Variants in TNFRSF11A observed in about 807,000 individuals in gnomAD.
The protein encoded by TNFRSF11A is TNF receptor superfamily member 11a, also known as tumor necrosis factor receptor superfamily member 11A.
A neutral mutation model predicts 55.7 loss-of-function variants in TNFRSF11A; 32 were observed. That is an observed-to-expected ratio of 0.57 (90% confidence interval 0.43 to 0.77). The LOEUF (loss-of-function observed/expected upper bound fraction) is 0.77, where lower values mean the gene tolerates loss of function less well. TNFRSF11A is among the 30% of genes least tolerant of loss of function. TNFRSF11A has a pLI of 0.00. For synonymous variants in TNFRSF11A, 311 were observed against 331.0 expected (o/e 0.94, Z 0.65); for missense variants, 753 against 809.8 (o/e 0.93, Z 0.85).
At chr18:62,352,270 T>A (rs1427733479) in intron 3 of TNFRSF11A, among the ~76,000 whole-genome samples, 1 of 152,262 alleles carries the variant, frequency 6.6e-6, no homozygotes, top group Non-Finnish European at 1.5e-5. Context: ...GAACATTTTA[T>A]TTAGTGACCT....
At chr18:62,373,291 C>T (rs930014013) in intron 9 of TNFRSF11A, among the ~76,000 whole-genome samples, 1 of 152,114 alleles carries the variant, frequency 6.6e-6, no homozygotes, top group Non-Finnish European at 1.5e-5. Flanking sequence ...AACCCCATCT[C>T]TACTAAAAAT....
intron 9 of TNFRSF11A, among the ~76,000 whole-genome samples, chr18:62,374,544 A>G (rs930159658): frequency 7.2e-5 from 11 of 152,194 alleles, no homozygotes; most frequent in African/African-American, 2.7e-4. Flanking sequence ...CTACATTACA[A>G]TTTGGTGGTA....
At chr18:62,345,968 A>AATTGTCTACATGTTCAGGTCAGAT (rs1417825920) in intron 1 of TNFRSF11A, among the ~76,000 whole-genome samples, 9 of 152,218 alleles carry the variant, frequency 5.9e-5, no homozygotes, top group African/African-American at 2.2e-4. Flanking sequence ...ACATGGAGTG[A>AATTGTCTACATGTTCAGGTCAGAT]ATTGTCTACA....
chr18:62,345,578 A>G (rs1437411895), intron 1 of TNFRSF11A, among the ~76,000 whole-genome samples: 1 of 152,122 alleles, frequency 6.6e-6, no homozygotes, highest in Non-Finnish European at 1.5e-5. Context: ...TAATCCTATA[A>G]CTCTGTCAAG....
chr18:62,359,105 G>A (rs979789748), intron 5 of TNFRSF11A, among the ~76,000 whole-genome samples: 1 of 151,968 alleles, frequency 6.6e-6, no homozygotes, highest in Non-Finnish European at 1.5e-5. Flanking sequence ...TTTATTTTCT[G>A]CTGGGCATGG....
chr18:62,368,536 G>A (rs1214747967), intron 8 of TNFRSF11A, among the ~76,000 whole-genome samples, 165 bp from the exon 9 acceptor site: 3 of 152,176 alleles, frequency 2.0e-5, no homozygotes, highest in Admixed American at 2.0e-4. Flanking sequence ...GAGTTCTCCT[G>A]CACTCGGTAA....
chr18:62,358,457 C>G, intron 5 of TNFRSF11A, 116 bp downstream of exon 5: 1 of 1,000,706 alleles, frequency 1.0e-6, no homozygotes. Context: ...CCTCTTGAAG[C>G]CACGTTCAAA....
rs1380380467 is a variant in TNFRSF11A at position 62,350,046 on chromosome 18, A to G, written c.283+109A>G. 6.6e-6 allele frequency: 10 copies of G among 1,504,138 alleles called. No homozygotes were observed. In the East Asian group the frequency reaches 2.3e-4, roughly 34 times the overall value. The allele number at this position is 1,504,138 out of a possible 1,614,324, so 93.2% of individuals were successfully genotyped here. A position where few individuals can be genotyped will look rare whatever the true frequency, so the allele number is the denominator to read the frequency against. On this transcript the variant is annotated intron_variant, in intron 3 of 9. Transcript: ENST00000586569. ...AATGATGTTTCGTTTCAGGAACATGAAAGGAAGTTGTGACTACACATCCCA... is the reference window on the plus strand; with the variant it reads ...AATGATGTTTCGTTTCAGGAACATGGAAGGAAGTTGTGACTACACATCCCA...
At chr18:62,326,481 A>C (rs976282186) in intron 1 of TNFRSF11A, among the ~76,000 whole-genome samples, 1 of 152,168 alleles carries the variant, frequency 6.6e-6, no homozygotes, top group African/African-American at 2.4e-5. Context: ...GGATTTTTTC[A>C]TTTTAAGCAC....
At chr18:62,376,829 A>G (rs1910930872) in intron 9 of TNFRSF11A, among the ~76,000 whole-genome samples, 1 of 152,202 alleles carries the variant, frequency 6.6e-6, no homozygotes, top group Admixed American at 6.5e-5. Context: ...GGAATCATAC[A>G]TTCTATAGCC....
chr18:62,348,297 A>AGG, intron 2 of TNFRSF11A, 48 bp downstream of exon 2: 1 of 1,535,646 alleles, frequency 6.5e-7, no homozygotes, highest in Admixed American at 1.7e-5. Context: ...AAAGTGGGTG[A>AGG]GGCTTTCATT....
chr18:62,372,138 AG>A (rs1194633087), intron 9 of TNFRSF11A, among the ~76,000 whole-genome samples: 2 of 152,186 alleles, frequency 1.3e-5, no homozygotes, highest in African/African-American at 4.8e-5. Flanking sequence ...AGTGCTGTTA[AG>A]GCTATGTTAG....
At chr18:62,367,622 G>C (rs949408260) in intron 8 of TNFRSF11A, among the ~76,000 whole-genome samples, 1 of 152,036 alleles carries the variant, frequency 6.6e-6, no homozygotes, top group Non-Finnish European at 1.5e-5. Flanking sequence ...AAATATTTCA[G>C]TGTGTATTTA....
intron 1 of TNFRSF11A, among the ~76,000 whole-genome samples, chr18:62,338,425 T>A (rs1255148902): frequency 6.6e-6 from 1 of 152,228 alleles, no homozygotes; most frequent in African/African-American, 2.4e-5. Context: ...TAGGTGTCCA[T>A]CAGTGGATGA....
chr18:62,330,755 A>T (rs1034094871), intron 1 of TNFRSF11A: 1 of 152,790 alleles, frequency 6.5e-6, no homozygotes, highest in African/African-American at 2.4e-5. Flanking sequence ...GCAGGGGCAG[A>T]AGGTGCAGGG....
chr18:62,329,392 G>A (rs773718600), intron 1 of TNFRSF11A, among the ~76,000 whole-genome samples: 5 of 152,224 alleles, frequency 3.3e-5, no homozygotes, highest in Admixed American at 1.3e-4. Context: ...GCTGACTCCA[G>A]CTCAGTGCAC....
At chr18:62,328,109 G>A (rs891242108) in intron 1 of TNFRSF11A, among the ~76,000 whole-genome samples, 3 of 152,216 alleles carry the variant, frequency 2.0e-5, no homozygotes, top group East Asian at 1.9e-4. Flanking sequence ...AGGGGAAGGC[G>A]CATGGGTCAC....
intron 9 of TNFRSF11A, among the ~76,000 whole-genome samples, chr18:62,379,130 A>G (rs1427379886): frequency 6.6e-6 from 1 of 152,252 alleles, no homozygotes; most frequent in African/African-American, 2.4e-5. Flanking sequence ...AGCACCTGCA[A>G]GCTGGTGTTT....
Position 62,369,244 on chromosome 18 carries a change from G to A in TNFRSF11A, c.1327G>A (p.Ala443Thr). 6.2e-7 allele frequency: 1 copy of A among 1,613,616 alleles called. No homozygotes were observed. Among genetic ancestry groups the A allele is most frequent in the South Asian group, 1.1e-5 (1 of 91,088 alleles). The change falls in exon 9 of 10, where the codon GCA becomes ACA. Residue 443 changes from alanine (A) to threonine (T), a missense_variant. Coordinates refer to ENST00000586569, the MANE Select transcript of TNFRSF11A (RefSeq NM_003839.4). The part of the protein sequence containing the change: ...HWAASPSPNW[A>T]DVCTGCRNPP... ...GGCAGCCAGCCCCAGCCCCAACTGG[G>A]CAGATGTCTGCACAGGCTGCCGGAA...
Sources: allele counts gnomAD v4.1 joint callset (sites outside exome capture counted in the v4.1 genomes callset), GRCh38; gene constraint gnomAD v4.1.1; transcripts MANE v1.5; gene names NCBI Gene and HGNC (gene_info 2026-07-23, HGNC 2026-07-21).